Variants in ITGAV observed in about 807,000 individuals in gnomAD.
ITGAV encodes integrin alpha-V.
Under a neutral mutation model 143.8 loss-of-function variants are expected in ITGAV, and 76 were observed. The observed-to-expected ratio is 0.53, with a 90% CI of 0.44 to 0.64. The LOEUF (loss-of-function observed/expected upper bound fraction) is 0.64, where lower values mean the gene tolerates loss of function less well. Ranked by LOEUF, ITGAV falls within the 30% of genes least tolerant of loss-of-function variation. The probability of loss-of-function intolerance (pLI) is 0.00; values close to 1 mark genes in which losing one functional copy is unlikely to be tolerated. For missense variants in ITGAV, 1,193 were observed against 1,274.7 expected, an observed-to-expected ratio of 0.94 and a Z score of 0.98; for synonymous variants, 453 against 446.7, an observed-to-expected ratio of 1.01 and a Z score of -0.18.
Position 186,636,095 on chromosome 2 carries a change from G to T in ITGAV, c.645G>T (p.Ser215=). 1 of 1,611,180 alleles carries T rather than the reference G, an allele frequency of 6.2e-7. No individual in the cohort carries two copies. Among genetic ancestry groups the T allele is most frequent in the Non-Finnish European group, 8.5e-7 (1 of 1,178,762 alleles). ...GSFYWQGQLI[S]DQVAEIVSKY... ...ACCCTTTTTTAGGTCAGCTTATTTCGGATCAAGTGGCAGAAATCGTATCTA... is the reference window on the plus strand; with the variant it reads ...ACCCTTTTTTAGGTCAGCTTATTTCTGATCAAGTGGCAGAAATCGTATCTA... Residue 215 remains serine (S), a synonymous_variant, in exon 7 of 30, where the codon TCG becomes TCT. Coordinates refer to ENST00000261023, the MANE Select transcript of ITGAV (RefSeq NM_002210.5).
chr2:186,625,678 T>TGTGTGTGTGTGTGTGTGAGA (rs5836988), intron 4 of ITGAV, 91 bp downstream of exon 4: 1 of 451,370 alleles, frequency 2.2e-6, no homozygotes. Flanking sequence ...TGTGTGTGTG[T>TGTGTGTGTGTGTGTGTGAGA]GAGAGAGAGA....
intron 17 of ITGAV, among the ~76,000 whole-genome samples, chr2:186,658,567 A>T (rs1361613915): frequency 6.6e-6 from 1 of 152,186 alleles, no homozygotes; most frequent in Non-Finnish European, 1.5e-5. Flanking sequence ...GTATATTTAC[A>T]TGATGAAATA....
At chr2:186,656,459 T>A in intron 17 of ITGAV, 58 bp downstream of exon 17, 1 of 1,229,222 alleles carries the variant, frequency 8.1e-7, no homozygotes, top group Non-Finnish European at 1.1e-6. Context: ...GTTTTTTATC[T>A]AAATGATTTT....
chr2:186,638,219 T>G, intron 8 of ITGAV, 58 bp from the exon 9 acceptor site: 1 of 1,478,882 alleles, frequency 6.8e-7, no homozygotes, highest in Admixed American at 1.7e-5. Flanking sequence ...TCACTTCTGG[T>G]CTGCAACTTC....
rs1477140077 is a variant in ITGAV at position 186,630,875 on chromosome 2, G to A, written c.585+17G>A. On this transcript the variant is annotated intron_variant, in intron 5 of 29. Coordinates refer to ENST00000261023, the MANE Select transcript of ITGAV (RefSeq NM_002210.5). Reference sequence around the variant, plus strand: ...TTTACTAAAGTAAGTTCTTATTTAAGACTGAATGAGATTCACATCTACCTT... The same window carrying A: ...TTTACTAAAGTAAGTTCTTATTTAAAACTGAATGAGATTCACATCTACCTT... 1 of 1,394,780 alleles carries A rather than the reference G, an allele frequency of 7.2e-7. No homozygotes were observed. 86.4% of individuals were successfully genotyped at this position (1,394,780 alleles called of 1,614,324 possible). A position where few individuals can be genotyped will look rare whatever the true frequency, so the allele number is the denominator to read the frequency against.
rs1468805695 is a variant in ITGAV at position 186,678,671 on chromosome 2, G to A, written c.*1379G>A. 1 of 453,908 alleles carries A rather than the reference G, an allele frequency of 2.2e-6. No homozygotes were observed. The highest frequency in any genetic ancestry group is 1.6e-5 in the South Asian group (1 of 63,882). The allele number at this position is 453,908 out of a possible 1,614,324, so 28.1% of individuals were successfully genotyped here. ...TCTGTAGAGTGGTGAACCTTCTAGA[G>A]GAATATATGATTTATTCACAGTTCC... On this transcript the variant is annotated 3_prime_UTR_variant, in exon 30 of 30. Coordinates refer to ENST00000261023, the MANE Select transcript of ITGAV (RefSeq NM_002210.5).
At chr2:186,628,682 G>T (rs1687740921) in intron 4 of ITGAV, among the ~76,000 whole-genome samples, 1 of 152,044 alleles carries the variant, frequency 6.6e-6, no homozygotes, top group Non-Finnish European at 1.5e-5. Flanking sequence ...AGGACATTAT[G>T]CAGTAGACCA....
chr2:186,610,465 A>G (rs1015600047), intron 2 of ITGAV, among the ~76,000 whole-genome samples: 2 of 152,206 alleles, frequency 1.3e-5, no homozygotes, highest in Non-Finnish European at 2.9e-5. Flanking sequence ...CAAAGCCACA[A>G]CTAAGATGTT....
chr2:186,626,167 G>C (rs1574475318), intron 4 of ITGAV, among the ~76,000 whole-genome samples: 1 of 152,142 alleles, frequency 6.6e-6, no homozygotes, highest in Admixed American at 6.6e-5. Context: ...TTGTTAACCT[G>C]CTACCAAGCC....
intron 20 of ITGAV, 81 bp from the exon 21 acceptor site, chr2:186,665,045 A>G (rs1688850315): frequency 1.1e-6 from 1 of 925,272 alleles, no homozygotes; most frequent in Non-Finnish European, 1.6e-6. Context: ...TTTGCTTAGG[A>G]CAAGAAACTG....
intron 1 of ITGAV, among the ~76,000 whole-genome samples, chr2:186,601,744 CA>C (rs1213563216): frequency 6.6e-6 from 1 of 151,996 alleles, no homozygotes; most frequent in Non-Finnish European, 1.5e-5. Context: ...ATAAACTGTA[CA>C]TATTTAAAGT....
chr2:186,618,571 A>G (rs969800098), intron 2 of ITGAV, among the ~76,000 whole-genome samples: 3 of 152,238 alleles, frequency 2.0e-5, no homozygotes, highest in African/African-American at 7.2e-5. Context: ...GACAGTGCCC[A>G]GCAGCATGTT....
chr2:186,646,711 G>A lies in ITGAV; in HGVS notation c.1185G>A (p.Gly395=), dbSNP rs760319505. The A allele has an allele frequency of 3.1e-6, 5 of 1,599,652 alleles. No individual in the cohort carries two copies. The highest frequency in any genetic ancestry group is 4.3e-6 in the Non-Finnish European group (5 of 1,170,442). The part of the protein sequence containing the change: ...FNDIAIAAPY[G]GEDKKGIVYI... The stretch of plus-strand genomic sequence containing the variant: ...ATATTGCAATTGCTGCTCCATATGG[G>A]GGTGAAGATAAAAAAGGAATTGTTT... Residue 395 remains glycine, a synonymous_variant, in exon 13 of 30, where the codon GGG becomes GGA. Transcript: ENST00000261023.
intron 2 of ITGAV, among the ~76,000 whole-genome samples, chr2:186,612,174 C>A (rs1042878625): frequency 2.0e-5 from 3 of 152,094 alleles, no homozygotes; most frequent in African/African-American, 7.2e-5. Flanking sequence ...AGAAAATCCT[C>A]TTCTTATAAC....
At position 186,636,153 on chromosome 2, in the gene ITGAV, A is replaced by G; in HGVS notation, c.703A>G (p.Asn235Asp). ...CCCCAATGTTTACAGCATCAAGTAT[A>G]ATAACCAATTAGCAACTCGGACTGC... The part of the protein sequence containing the change: ...YDPNVYSIKY[N>D]NQLATRTAQA... Residue 235 changes from asparagine (N) to aspartate (D), a missense_variant, in exon 7 of 30, where the codon AAT becomes GAT. By Grantham distance (23) the Asn-to-Asp change is conservative. Coordinates refer to ENST00000261023, the MANE Select transcript of ITGAV (RefSeq NM_002210.5). 1 of 1,613,326 alleles carries G rather than the reference A, an allele frequency of 6.2e-7. No individual in the cohort carries two copies. The highest frequency in any genetic ancestry group is 8.5e-7 in the Non-Finnish European group (1 of 1,179,662).
Position 186,669,877 on chromosome 2 carries a change from G to A in ITGAV, c.2706+63G>A, listed in dbSNP as rs1322862818. On this transcript the variant is annotated intron_variant, in intron 26 of 29. Coordinates refer to ENST00000261023, the MANE Select transcript of ITGAV (RefSeq NM_002210.5). ...AAAAATATGTGACTATAGAACTGAC[G>A]CCAAAGAACATTTCAAAAATAACAA... 8 of 1,063,200 alleles carry A rather than the reference G, an allele frequency of 7.5e-6. No homozygotes were observed. In the South Asian group the frequency reaches 8.2e-5, roughly 11 times the overall value. 65.9% of individuals were successfully genotyped at this position (1,063,200 alleles called of 1,614,324 possible).
At position 186,678,115 on chromosome 2, in the gene ITGAV, T is replaced by C. The variant is rs201989404; in HGVS notation, c.*823T>C. 59 of 152,096 alleles carry C rather than the reference T, an allele frequency of 3.9e-4. No individual in the cohort carries two copies. The highest frequency in any genetic ancestry group is 1.3e-3 in the African/African-American group (52 of 41,446). 9.4% of individuals were successfully genotyped at this position (152,096 alleles called of 1,614,324 possible). The stretch of plus-strand genomic sequence containing the variant: ...AGTTGGAAATTATTTCCAAAGCATA[T>C]TTATTCCATTGTTTTAGTCTGGCTA... On this transcript the variant is annotated 3_prime_UTR_variant, in exon 30 of 30. Transcript: ENST00000261023.
intron 24 of ITGAV, 200 bp from the exon 25 acceptor site, chr2:186,668,562 C>T: frequency 4.0e-6 from 2 of 503,296 alleles, no homozygotes; most frequent in Non-Finnish European, 3.5e-6. Context: ...TATCCTGACA[C>T]ATATTACTCT....
intron 1 of ITGAV, 77 bp downstream of exon 1, chr2:186,590,600 T>TCTCTCGGAAATCAATCCCAA: frequency 7.3e-7 from 1 of 1,362,488 alleles, no homozygotes; most frequent in Non-Finnish European, 1.0e-6. Flanking sequence ...TCCATTGGGA[T>TCTCTCGGAAATCAATCCCAA]TGATTTCCGA....
Sources: allele counts gnomAD v4.1 joint callset (sites outside exome capture counted in the v4.1 genomes callset), GRCh38; gene constraint gnomAD v4.1.1; transcripts MANE v1.5; gene names NCBI Gene and HGNC (gene_info 2026-07-23, HGNC 2026-07-21).